EIPR1: variants seen among roughly 807,000 people sequenced by gnomAD.
The protein encoded by EIPR1 is EARP and GARP complex-interacting protein 1.
EIPR1 carries 25 observed loss-of-function variants against 48.1 expected under a neutral mutation model. The observed-to-expected ratio is 0.52, with a 90% confidence interval of 0.38 to 0.73. EIPR1 has a LOEUF of 0.73. Among genes scored for constraint, EIPR1 ranks in the 30% least tolerant of loss-of-function variants. The probability of loss-of-function intolerance (pLI) is 0.00; values close to 1 mark genes in which losing one functional copy is unlikely to be tolerated. For synonymous variants in EIPR1, 204 were observed against 201.9 expected, an observed-to-expected ratio of 1.01 and a Z score of -0.09; for missense variants, 415 against 506.2, an observed-to-expected ratio of 0.82 and a Z score of 1.73.
At chr2:3,252,453 T>C (rs1198936362) in intron 4 of EIPR1, among the ~76,000 whole-genome samples, 1 of 151,864 alleles carries the variant, frequency 6.6e-6, no homozygotes, top group African/African-American at 2.4e-5. Context: ...TAGCCAGGCG[T>C]GGTGGTGGGT....
intron 5 of EIPR1, among the ~76,000 whole-genome samples, chr2:3,200,599 C>T (rs746225212): frequency 7.2e-5 from 11 of 151,732 alleles, no homozygotes; most frequent in South Asian, 2.1e-4. Flanking sequence ...TGGGAGCAGC[C>T]GCCACGTGTG....
chr2:3,255,039 A>G (rs1667110546), intron 4 of EIPR1, among the ~76,000 whole-genome samples: 1 of 152,230 alleles, frequency 6.6e-6, no homozygotes, highest in Non-Finnish European at 1.5e-5. Context: ...CTTAAGAGAA[A>G]AAAGAATATG....
chr2:3,309,810 C>T (rs756336832), intron 3 of EIPR1, among the ~76,000 whole-genome samples: 11 of 152,174 alleles, frequency 7.2e-5, no homozygotes, highest in Non-Finnish European at 1.2e-4. Context: ...TTCTAACACC[C>T]CCCTTACTAC....
intron 5 of EIPR1, among the ~76,000 whole-genome samples, chr2:3,200,662 G>A (rs776185072): frequency 9.2e-5 from 14 of 152,092 alleles, no homozygotes; most frequent in African/African-American, 3.4e-4. Flanking sequence ...GGCGGGGCAG[G>A]GAGGGGGGCA....
intron 4 of EIPR1, among the ~76,000 whole-genome samples, chr2:3,250,044 G>A (rs1284918620): frequency 6.6e-6 from 1 of 152,240 alleles, no homozygotes; most frequent in African/African-American, 2.4e-5. Flanking sequence ...CTAGGGTAAT[G>A]CTTAGGGGAA....
At chr2:3,280,978 T>A (rs1667995822) in intron 3 of EIPR1, among the ~76,000 whole-genome samples, 1 of 152,144 alleles carries the variant, frequency 6.6e-6, no homozygotes, top group African/African-American at 2.4e-5. Context: ...TGGTGACTCA[T>A]CCCTGTACCT....
At chr2:3,251,494 G>A (rs1321773952) in intron 4 of EIPR1, among the ~76,000 whole-genome samples, 2 of 151,998 alleles carry the variant, frequency 1.3e-5, no homozygotes, top group African/African-American at 4.8e-5. Flanking sequence ...CACACACAAG[G>A]GAACAAGGCC....
chr2:3,353,894 G>T (rs1428256320), intron 2 of EIPR1, among the ~76,000 whole-genome samples: 4 of 152,130 alleles, frequency 2.6e-5, no homozygotes, highest in African/African-American at 9.7e-5. Context: ...TGTCTGACAT[G>T]GCCTCCCGCA....
chr2:3,324,748 A>T (rs1381216559), intron 3 of EIPR1, among the ~76,000 whole-genome samples: 4 of 152,246 alleles, frequency 2.6e-5, no homozygotes, highest in African/African-American at 9.6e-5. Flanking sequence ...CCCAGGATCC[A>T]GCCTCGTGGG....
At chr2:3,218,332 C>T (rs534254921) in intron 4 of EIPR1, among the ~76,000 whole-genome samples, 12 of 149,140 alleles carry the variant, frequency 8.0e-5, no homozygotes, top group African/African-American at 1.2e-4. Context: ...AGGTGCACAC[C>T]CAACACGGCC....
At chr2:3,297,548 A>T (rs186994484) in intron 3 of EIPR1, among the ~76,000 whole-genome samples, 1 of 152,236 alleles carries the variant, frequency 6.6e-6, no homozygotes, top group East Asian at 1.9e-4. Flanking sequence ...TGCCCAGGGG[A>T]AACAGCCAGG....
intron 5 of EIPR1, among the ~76,000 whole-genome samples, chr2:3,199,033 G>C (rs1030120889): frequency 5.9e-5 from 6 of 100,916 alleles, no homozygotes; most frequent in African/African-American, 2.3e-4. Context: ...GCATATGGCA[G>C]ACACCCCCAG....
chr2:3,376,077 C>T (rs1314915500), intron 1 of EIPR1, among the ~76,000 whole-genome samples: 1 of 151,538 alleles, frequency 6.6e-6, no homozygotes, highest in Non-Finnish European at 1.5e-5. Context: ...GAGTGTGAGA[C>T]CAGCCTGGGC....
At chr2:3,364,697 G>A (rs374342935) in intron 1 of EIPR1, among the ~76,000 whole-genome samples, 162 of 151,908 alleles carry the variant, frequency 1.1e-3, no homozygotes, top group African/African-American at 3.5e-3. Flanking sequence ...GCAAAATGGA[G>A]GTCATTATGT....
At chr2:3,319,136 A>G (rs9309705) in intron 3 of EIPR1, 343,589 of 346,032 alleles carry the variant, frequency 0.99, 170,595 homozygotes, top group East Asian at 1. Flanking sequence ...ACTCTGAGAC[A>G]ATAGTTACAT....
chr2:3,193,416 C>T (rs1664680688), intron 7 of EIPR1, among the ~76,000 whole-genome samples: 1 of 152,236 alleles, frequency 6.6e-6, no homozygotes, highest in African/African-American at 2.4e-5. Context: ...GTCACTCACA[C>T]TTGTGTACAC....
At chr2:3,199,743 G>A (rs895695111) in intron 5 of EIPR1, among the ~76,000 whole-genome samples, 15 of 122,930 alleles carry the variant, frequency 1.2e-4, no homozygotes, top group Admixed American at 2.6e-4. Context: ...GGCACGCATG[G>A]GGAGGGGTGT....
At chr2:3,197,397 C>G (rs1664848621) in intron 5 of EIPR1, among the ~76,000 whole-genome samples, 1 of 152,220 alleles carries the variant, frequency 6.6e-6, no homozygotes, top group African/African-American at 2.4e-5. Context: ...TCCGGAATAA[C>G]AAAGGGACAA....
At chr2:3,371,644 C>T (rs888208296) in intron 1 of EIPR1, among the ~76,000 whole-genome samples, 1 of 152,226 alleles carries the variant, frequency 6.6e-6, no homozygotes, top group Admixed American at 6.5e-5. Context: ...AAGCCCATTA[C>T]TTAAGGGTAA....
Sources: gnomAD v4.1 joint callset for allele counts (sites outside exome capture counted in the v4.1 genomes callset) on GRCh38, gnomAD v4.1.1 for gene constraint, MANE v1.5 for transcripts, NCBI Gene and HGNC (gene_info 2026-07-23, HGNC 2026-07-21) for gene names.